Variants in EIF3H observed in about 807,000 individuals in gnomAD.
EIF3H encodes eukaryotic translation initiation factor 3 subunit H.
A neutral mutation model predicts 44.2 loss-of-function variants in EIF3H; 26 were observed. The observed-to-expected ratio is 0.59, with a 90% confidence interval of 0.43 to 0.82. EIF3H has a LOEUF of 0.82. Among genes scored for constraint, EIF3H ranks in the 40% least tolerant of loss-of-function variants. The pLI is 0.00. For missense variants in EIF3H, 359 were observed against 432.8 expected, an observed-to-expected ratio of 0.83 and a Z score of 1.51; for synonymous variants, 166 against 151.9, an observed-to-expected ratio of 1.09 and a Z score of -0.68.
rs73701320 is a variant in EIF3H at position 116,645,255 on chromosome 8, C to T, written c.962-152G>A. 7,454 of 631,696 alleles carry T rather than the reference C, an allele frequency of 0.012. 403 individuals carry two copies. The African/African-American group carries it at 0.12, about 10-fold the overall frequency. 39.1% of individuals were successfully genotyped at this position (631,696 alleles called of 1,614,324 possible). On this transcript the variant is annotated intron_variant, in intron 7 of 7. Coordinates refer to ENST00000521861, the MANE Select transcript of EIF3H (RefSeq NM_003756.3). ...ATTTTTCCATAAGGGATAAGAAATA[C>T]AAGTTCTTTTGAAAATAAGCTACTG...
chr8:116,656,756 A>G (rs977521127), intron 4 of EIF3H, among the ~76,000 whole-genome samples: 6 of 152,198 alleles, frequency 3.9e-5, no homozygotes, highest in Non-Finnish European at 8.8e-5. Context: ...CCATCAGTTA[A>G]TTCTCTGCAT....
chr8:116,749,586 T>C (rs1268482478), intron 1 of EIF3H, among the ~76,000 whole-genome samples: 1 of 152,252 alleles, frequency 6.6e-6, no homozygotes, highest in Non-Finnish European at 1.5e-5. Flanking sequence ...TGATCTTGTC[T>C]AGGAACAATG....
rs375289300 is a variant in EIF3H, at chr8:116,674,644, T to C, written c.290-15664A>G. Among the ~76,000 whole-genome samples the C allele has an allele frequency of 2.9e-4, 44 of 152,338 alleles. 1 individual carries two copies. The South Asian group carries it at 8.9e-3, about 31-fold the overall frequency. On this transcript the variant is annotated intron_variant, in intron 2 of 7. Coordinates refer to ENST00000521861, the MANE Select transcript of EIF3H (RefSeq NM_003756.3). Reference sequence around the variant, plus strand: ...AACTACGAGCCTGAATATCTAGTAATGTGCACAATTAAAATAAGTGCTTTT... The same window carrying C: ...AACTACGAGCCTGAATATCTAGTAACGTGCACAATTAAAATAAGTGCTTTT...
intron 1 of EIF3H, among the ~76,000 whole-genome samples, chr8:116,762,456 G>A (rs796595290): frequency 1.2e-4 from 19 of 152,256 alleles, no homozygotes; most frequent in African/African-American, 4.1e-4. Context: ...ATCGGTTGCT[G>A]GAGTTAAAGC....
At chr8:116,659,870 G>A (rs1384503504) in intron 2 of EIF3H, among the ~76,000 whole-genome samples, 1 of 151,992 alleles carries the variant, frequency 6.6e-6, no homozygotes, top group Non-Finnish European at 1.5e-5. Flanking sequence ...TAATAGCCAT[G>A]CTATTTCTAT....
intron 5 of EIF3H, among the ~76,000 whole-genome samples, chr8:116,649,639 C>G (rs1045812847): frequency 6.6e-6 from 1 of 152,176 alleles, no homozygotes; most frequent in African/African-American, 2.4e-5. Context: ...AAATAGCAAG[C>G]TTCTAAAGAG....
At chr8:116,719,733 CAT>C (rs778413734) in intron 2 of EIF3H, among the ~76,000 whole-genome samples, 5 of 152,220 alleles carry the variant, frequency 3.3e-5, no homozygotes, top group Middle Eastern at 3.4e-3. Context: ...AAATCTATCA[CAT>C]GAGGTTATGA....
chr8:116,649,005 T>C, intron 5 of EIF3H, 79 bp from the exon 6 acceptor site: 4 of 1,256,436 alleles, frequency 3.2e-6, no homozygotes, highest in East Asian at 2.7e-5. Flanking sequence ...TTTTAAGATA[T>C]GAACTTGAAC....
rs760737535 is a variant in EIF3H, at chr8:116,642,137, G to A, written c.*2869C>T. On this transcript the variant is annotated 3_prime_UTR_variant, in exon 8 of 8. Transcript: ENST00000521861. The stretch of plus-strand genomic sequence containing the variant: ...AGTGTATTACATACTTAATTTGGTT[G>A]AGAAGTGTTTATTGTAAAAATGGAG... 1 of 152,048 alleles carries A rather than the reference G, an allele frequency of 6.6e-6. No individual in the cohort carries two copies. Among genetic ancestry groups the A allele is most frequent in the Non-Finnish European group, 1.5e-5 (1 of 68,016 alleles). The allele number at this position is 152,048 out of a possible 1,614,324, so 9.4% of individuals were successfully genotyped here. A position where few individuals can be genotyped will look rare whatever the true frequency, so the allele number is the denominator to read the frequency against.
intron 2 of EIF3H, among the ~76,000 whole-genome samples, chr8:116,698,533 T>A (rs552646945): frequency 1.3e-5 from 2 of 152,196 alleles, no homozygotes; most frequent in South Asian, 4.1e-4. Flanking sequence ...TTGCCCACTA[T>A]CAATAGTATA....
chr8:116,696,329 A>G (rs1384274350), intron 2 of EIF3H, among the ~76,000 whole-genome samples: 9 of 152,248 alleles, frequency 5.9e-5, no homozygotes, highest in African/African-American at 1.4e-4. Flanking sequence ...AAATTAAATA[A>G]TGACAGTAAC....
intron 1 of EIF3H, among the ~76,000 whole-genome samples, chr8:116,763,079 A>G (rs1048824594): frequency 1.3e-5 from 2 of 152,244 alleles, no homozygotes; most frequent in East Asian, 1.9e-4. Flanking sequence ...AGTCTGTGTC[A>G]TATCTATTAT....
chr8:116,666,379 C>T (rs1586440844), intron 2 of EIF3H, among the ~76,000 whole-genome samples: 1 of 152,074 alleles, frequency 6.6e-6, no homozygotes, highest in African/African-American at 2.4e-5. Flanking sequence ...CTCAAGAAGT[C>T]TTCTATGAAA....
chr8:116,755,736 G>A lies in EIF3H; in HGVS notation c.62C>T (p.Ala21Val), dbSNP rs1255295033. ...GCCTTTGCCTTTGCCTTTCCCTGCT[G>A]CGCCGGCGGTGGAGCTGGAAGAGGT... ...TATSSSSTAG[A>V]AGKGKGKGGS... is the part of the protein sequence containing the mutation. Residue 21 changes from alanine (A) to valine (V), a missense_variant, in exon 1 of 8, where the codon GCA becomes GTA. Physicochemically the swap from Ala to Val is moderately conservative, Grantham distance 64 (BLOSUM62 0). Transcript: ENST00000521861. 8.1e-6 allele frequency: 13 copies of A among 1,613,988 alleles called. No individual in the cohort carries two copies. Among genetic ancestry groups the A allele is most frequent in the Non-Finnish European group, 1.0e-5 (12 of 1,179,988 alleles).
intron 1 of EIF3H, among the ~76,000 whole-genome samples, chr8:116,729,512 G>A (rs1156515715): frequency 6.6e-6 from 1 of 152,196 alleles, no homozygotes; most frequent in African/African-American, 2.4e-5. Context: ...GCAATTTTAT[G>A]TAGTATCAAT....
At chr8:116,650,234 G>T (rs181437050) in intron 5 of EIF3H, among the ~76,000 whole-genome samples, 64 of 152,286 alleles carry the variant, frequency 4.2e-4, no homozygotes, top group Admixed American at 9.8e-4. Context: ...TCTACTGTGG[G>T]GTGTTGGCGA....
At chr8:116,657,707 T>C (rs1370816866) in intron 3 of EIF3H, 3 of 177,328 alleles carry the variant, frequency 1.7e-5, no homozygotes, top group Non-Finnish European at 3.5e-5. Context: ...GGGTAGCTCC[T>C]CATTCAACTT....
intron 2 of EIF3H, among the ~76,000 whole-genome samples, chr8:116,693,824 T>G (rs1393608445): frequency 1.3e-5 from 2 of 151,934 alleles, no homozygotes; most frequent in African/African-American, 4.8e-5. Context: ...ACTACAGGAG[T>G]GCACCACCAC....
intron 1 of EIF3H, among the ~76,000 whole-genome samples, chr8:116,760,996 G>C (rs967364534): frequency 6.6e-6 from 1 of 152,144 alleles, no homozygotes; most frequent in Non-Finnish European, 1.5e-5. Flanking sequence ...AAAGTGCTTT[G>C]ATAGATTAAA....
Sources: allele counts gnomAD v4.1 joint callset (sites outside exome capture counted in the v4.1 genomes callset), GRCh38; gene constraint gnomAD v4.1.1; transcripts MANE v1.5; gene names NCBI Gene and HGNC (gene_info 2026-07-23, HGNC 2026-07-21).